KIF6: variants seen among roughly 807,000 people sequenced by gnomAD.
The protein encoded by KIF6 is kinesin-like protein KIF6.
A neutral mutation model predicts 112.7 loss-of-function variants in KIF6; 106 were observed. That is an observed-to-expected ratio of 0.94 (90% CI 0.80 to 1.11). The LOEUF (loss-of-function observed/expected upper bound fraction) is 1.11. KIF6 is among the 50% of genes least tolerant of loss of function. KIF6 has a pLI of 0.00. For missense variants in KIF6, 929 were observed against 964.0 expected (o/e 0.96, Z 0.48); for synonymous variants, 339 against 339.9 (o/e 1.00, Z 0.03).
intron 10 of KIF6, among the ~76,000 whole-genome samples, chr6:39,556,489 A>G (rs1246545031): frequency 6.6e-6 from 1 of 152,174 alleles, no homozygotes. Flanking sequence ...GAAGCTGACA[A>G]AAGAGTGTAG....
intron 13 of KIF6, among the ~76,000 whole-genome samples, chr6:39,436,440 G>A (rs1428990624): frequency 6.6e-6 from 1 of 151,260 alleles, no homozygotes; most frequent in Non-Finnish European, 1.5e-5. Context: ...TCTTTGCCTA[G>A]TCCAATGTTC....
intron 3 of KIF6, among the ~76,000 whole-genome samples, chr6:39,681,042 C>A (rs1479933916): frequency 3.3e-5 from 5 of 151,952 alleles, no homozygotes; most frequent in Non-Finnish European, 1.5e-5. Context: ...AATAAAAGTT[C>A]TTAATAAATG....
chr6:39,614,098 C>T (rs1783366348), intron 5 of KIF6, among the ~76,000 whole-genome samples: 1 of 152,204 alleles, frequency 6.6e-6, no homozygotes, highest in Admixed American at 6.5e-5. Flanking sequence ...TCAATACTCT[C>T]CCTAAAGTCC....
intron 1 of KIF6, among the ~76,000 whole-genome samples, chr6:39,723,548 G>A (rs1264916155): frequency 2.0e-5 from 3 of 152,156 alleles, no homozygotes; most frequent in East Asian, 3.8e-4. Context: ...TATACACCAT[G>A]GAATACTATG....
chr6:39,403,557 C>T (rs1768867253), intron 15 of KIF6, among the ~76,000 whole-genome samples: 1 of 152,192 alleles, frequency 6.6e-6, no homozygotes, highest in African/African-American at 2.4e-5. Flanking sequence ...CCCTCACTCA[C>T]TGAAGGACAT....
intron 13 of KIF6, among the ~76,000 whole-genome samples, chr6:39,481,441 C>T (rs1032589297): frequency 1.3e-5 from 2 of 152,162 alleles, no homozygotes; most frequent in Non-Finnish European, 2.9e-5. Flanking sequence ...ATGTACTATA[C>T]ACATCTCTGC....
chr6:39,442,110 A>G (rs996520612), intron 13 of KIF6, among the ~76,000 whole-genome samples: 1 of 152,352 alleles, frequency 6.6e-6, no homozygotes, highest in African/African-American at 2.4e-5. Context: ...ACACTGGCCC[A>G]GCAGTGCAGA....
chr6:39,534,276 G>T lies in KIF6; in HGVS notation c.1645+5727C>A, dbSNP rs1778270119. Among the ~76,000 whole-genome samples the T allele has an allele frequency of 2.6e-5, 4 of 152,272 alleles. No homozygotes were observed. The South Asian group carries it at 6.2e-4, about 24-fold the overall frequency. ...ATCAAACTACTCTGAGCTACAGGAG[G>T]AAATTCAAACCAAAGGCAAAGAAGT... On this transcript the variant is annotated intron_variant, in intron 13 of 22. Transcript: ENST00000287152.
chr6:39,393,393 GA>G (rs1768029930), intron 15 of KIF6, among the ~76,000 whole-genome samples: 1 of 152,166 alleles, frequency 6.6e-6, no homozygotes, highest in South Asian at 2.1e-4. Context: ...GAAAAATGGG[GA>G]TAATAACAGC....
chr6:39,383,778 T>C (rs1767173843), intron 16 of KIF6, among the ~76,000 whole-genome samples: 1 of 152,256 alleles, frequency 6.6e-6, no homozygotes, highest in Non-Finnish European at 1.5e-5. Context: ...ATTCTTCCAA[T>C]TCATGAGCAT....
chr6:39,537,117 T>C (rs1402655903), intron 13 of KIF6, among the ~76,000 whole-genome samples: 1 of 152,144 alleles, frequency 6.6e-6, no homozygotes, highest in Non-Finnish European at 1.5e-5. Context: ...TCATACTGAA[T>C]GGGCAAAAAC....
chr6:39,594,031 A>C (rs986490630), intron 7 of KIF6, among the ~76,000 whole-genome samples: 1 of 152,208 alleles, frequency 6.6e-6, no homozygotes, highest in East Asian at 1.9e-4. Context: ...AGCCCTCAGC[A>C]CATGGTAGGT....
intron 3 of KIF6, among the ~76,000 whole-genome samples, chr6:39,645,551 G>A (rs999605779): frequency 7.9e-5 from 12 of 151,980 alleles, no homozygotes; most frequent in East Asian, 1.9e-4. Flanking sequence ...TGCTGGATTC[G>A]GTTTGCCAGT....
rs1166631853 is a variant in KIF6 at position 39,578,041 on chromosome 6, A to G, written c.1181+15T>C. Reference sequence around the variant, plus strand: ...TCACTGTTAAAGAAAAAGAAAAAAAAGTCTGCAGACTTACTGAAGGAGCTC... The same window carrying G: ...TCACTGTTAAAGAAAAAGAAAAAAAGGTCTGCAGACTTACTGAAGGAGCTC... On this transcript the variant is annotated intron_variant, in intron 10 of 22. Transcript: ENST00000287152. The G allele has an allele frequency of 3.2e-6, 5 of 1,570,358 alleles. No individual in the cohort carries two copies. The highest frequency in any genetic ancestry group is 4.4e-6 in the Non-Finnish European group (5 of 1,145,334).
At chr6:39,530,180 C>A (rs1006343570) in intron 13 of KIF6, among the ~76,000 whole-genome samples, 3 of 152,188 alleles carry the variant, frequency 2.0e-5, no homozygotes, top group African/African-American at 7.2e-5. Context: ...AGGGACTCAA[C>A]AAATTCTCAT....
chr6:39,589,843 C>T (rs534082121), intron 7 of KIF6, among the ~76,000 whole-genome samples: 1 of 152,298 alleles, frequency 6.6e-6, no homozygotes, highest in African/African-American at 2.4e-5. Context: ...AGTTTTCTGA[C>T]TTTTCTTGAG....
chr6:39,567,650 C>T (rs1582152689), intron 10 of KIF6, among the ~76,000 whole-genome samples: 1 of 151,854 alleles, frequency 6.6e-6, no homozygotes, highest in East Asian at 1.9e-4. Context: ...CTCTGTCGCC[C>T]AGGCTGGAGT....
At chr6:39,680,567 G>A (rs1175263571) in intron 3 of KIF6, among the ~76,000 whole-genome samples, 1 of 152,154 alleles carries the variant, frequency 6.6e-6, no homozygotes, top group Non-Finnish European at 1.5e-5. Flanking sequence ...AGATAGTAGA[G>A]GGAGACATGA....
At chr6:39,519,667 C>T (rs1322409218) in intron 13 of KIF6, among the ~76,000 whole-genome samples, 5 of 150,482 alleles carry the variant, frequency 3.3e-5, no homozygotes, top group African/African-American at 1.2e-4. Context: ...GTTAATATGA[C>T]ATGAAGATCA....
Sources: gnomAD v4.1 joint callset for allele counts (sites outside exome capture counted in the v4.1 genomes callset) on GRCh38, gnomAD v4.1.1 for gene constraint, MANE v1.5 for transcripts, NCBI Gene and HGNC (gene_info 2026-07-23, HGNC 2026-07-21) for gene names.